The following MTHFD2L variants were observed in gnomAD, a reference collection of about 807,000 sequenced individuals.
MTHFD2L encodes the protein methylenetetrahydrofolate dehydrogenase (NADP+ dependent) 2 like.
MTHFD2L carries 29 observed loss-of-function variants against 34.9 expected under a neutral mutation model. The observed-to-expected ratio is 0.83, with a 90% confidence interval of 0.62 to 1.13. The LOEUF is 1.13. Among genes scored for constraint, MTHFD2L ranks in the 50% most tolerant of loss-of-function variants. MTHFD2L has a pLI of 0.00. For missense variants in MTHFD2L, 481 were observed against 446.5 expected (o/e 1.08, Z -0.70); for synonymous variants, 167 against 155.7 (o/e 1.07, Z -0.54).
chr4:74,226,202 C>T (rs865958300), intron 6 of MTHFD2L, among the ~76,000 whole-genome samples: 1 of 151,838 alleles, frequency 6.6e-6, no homozygotes, highest in African/African-American at 2.4e-5. Context: ...AAAAAAAAAT[C>T]CCCTTTCAAC....
intron 6 of MTHFD2L, chr4:74,267,548 A>G (rs936549732): frequency 8.4e-6 from 2 of 237,210 alleles, no homozygotes; most frequent in East Asian, 3.6e-4. Context: ...CCTCCCAAGT[A>G]GCTGGGACCA....
intron 1 of MTHFD2L, among the ~76,000 whole-genome samples, chr4:74,162,551 A>G (rs543570517): frequency 6.7e-6 from 1 of 150,022 alleles, no homozygotes; most frequent in African/African-American, 2.5e-5. Context: ...CTGGAACTGC[A>G]ATGAATGCCA....
At chr4:74,250,623 A>G (rs1426690851) in intron 6 of MTHFD2L, among the ~76,000 whole-genome samples, 1 of 152,206 alleles carries the variant, frequency 6.6e-6, no homozygotes, top group Non-Finnish European at 1.5e-5. Flanking sequence ...CTAAAACTTT[A>G]AAGGTTCTGC....
chr4:74,237,108 T>C (rs1740960694), intron 6 of MTHFD2L, among the ~76,000 whole-genome samples: 1 of 152,014 alleles, frequency 6.6e-6, no homozygotes, highest in Non-Finnish European at 1.5e-5. Context: ...TTGTGAAGTA[T>C]AACAAAATAA....
At chr4:74,127,826 C>T (rs1399098604) in intron 1 of MTHFD2L, among the ~76,000 whole-genome samples, 2 of 151,972 alleles carry the variant, frequency 1.3e-5, no homozygotes, top group African/African-American at 4.8e-5. Context: ...ACCTCCATAC[C>T]GTTTTTCATA....
intron 3 of MTHFD2L, chr4:74,180,814 C>T: frequency 3.0e-6 from 1 of 329,288 alleles, no homozygotes; most frequent in East Asian, 8.7e-5. Flanking sequence ...TGCTTTCCTA[C>T]TCCTGTCCTG....
chr4:74,246,794 T>C (rs868784927), intron 6 of MTHFD2L, among the ~76,000 whole-genome samples: 3 of 152,160 alleles, frequency 2.0e-5, no homozygotes, highest in Non-Finnish European at 4.4e-5. Context: ...GGAGTAGATA[T>C]GCGGCATTAT....
chr4:74,168,443 A>G (rs1450694436), intron 1 of MTHFD2L, among the ~76,000 whole-genome samples: 2 of 152,222 alleles, frequency 1.3e-5, no homozygotes, highest in African/African-American at 4.8e-5. Flanking sequence ...TTATCAGAGA[A>G]GTGATATCTT....
At chr4:74,147,408 G>A (rs1277561624) in intron 1 of MTHFD2L, among the ~76,000 whole-genome samples, 1 of 152,252 alleles carries the variant, frequency 6.6e-6, no homozygotes, top group African/African-American at 2.4e-5. Flanking sequence ...CTTGTCTAGG[G>A]GATGTGTGTG....
intron 7 of MTHFD2L, among the ~76,000 whole-genome samples, chr4:74,287,631 C>T (rs1425865000): frequency 6.6e-6 from 1 of 152,130 alleles, no homozygotes; most frequent in African/African-American, 2.4e-5. Context: ...CCTGTAATCC[C>T]AGCTACTCAG....
intron 1 of MTHFD2L, among the ~76,000 whole-genome samples, chr4:74,150,910 T>C (rs557131): frequency 0.99 from 149,784 of 152,056 alleles, 73,813 homozygotes; most frequent in East Asian, 1. Context: ...CATTATATAA[T>C]GATAATAGAT....
chr4:74,117,420 A>C (rs1047143045), intron 2 of MTHFD2L, among the ~76,000 whole-genome samples: 34 of 152,238 alleles, frequency 2.2e-4, no homozygotes, highest in African/African-American at 7.2e-4. Flanking sequence ...GTGGGTTTTC[A>C]GGCTGCAGGG....
At chr4:74,293,740 A>G (rs1304092646) in intron 7 of MTHFD2L, 1 of 152,542 alleles carries the variant, frequency 6.6e-6, no homozygotes, top group Non-Finnish European at 1.5e-5. Flanking sequence ...TTATCTCCTG[A>G]GTCATACTAT....
chr4:74,121,106 C>T (rs1452462357), upstream of MTHFD2L, among the ~76,000 whole-genome samples: 1 of 152,172 alleles, frequency 6.6e-6, no homozygotes, highest in Non-Finnish European at 1.5e-5. Flanking sequence ...TTCTTTCTCC[C>T]AGCTAGTGCA....
At chr4:74,267,289 C>G (rs896293654) in intron 6 of MTHFD2L, 2 of 818,314 alleles carry the variant, frequency 2.4e-6, no homozygotes, top group Non-Finnish European at 2.9e-6. Context: ...CTATTCTATT[C>G]TTTTCTTTTC....
chr4:74,190,577 A>C, intron 3 of MTHFD2L: 18 of 938,094 alleles, frequency 1.9e-5, no homozygotes, highest in Middle Eastern at 5.4e-4. Context: ...GGAGTAGCTC[A>C]GCGAGGTTAG....
chr4:74,144,177 G>T (rs1201759976), intron 1 of MTHFD2L, among the ~76,000 whole-genome samples: 2 of 152,166 alleles, frequency 1.3e-5, no homozygotes, highest in Non-Finnish European at 2.9e-5. Flanking sequence ...AGATGGCTGG[G>T]TGCAGTGGCT....
At chr4:74,262,285 A>G (rs1288360495) in intron 6 of MTHFD2L, among the ~76,000 whole-genome samples, 2 of 151,980 alleles carry the variant, frequency 1.3e-5, no homozygotes, top group Non-Finnish European at 2.9e-5. Context: ...AATAAAAATT[A>G]TTGGAGAACT....
intron 6 of MTHFD2L, among the ~76,000 whole-genome samples, chr4:74,274,861 A>G (rs1162382048): frequency 6.6e-6 from 1 of 152,192 alleles, no homozygotes; most frequent in Non-Finnish European, 1.5e-5. Flanking sequence ...CTGGAGAGCC[A>G]GTTAAACTTA....
Sources: gnomAD v4.1 joint callset for allele counts (sites outside exome capture counted in the v4.1 genomes callset) on GRCh38, gnomAD v4.1.1 for gene constraint, MANE v1.5 for transcripts, NCBI Gene and HGNC (gene_info 2026-07-23, HGNC 2026-07-21) for gene names.